The following COA1 variants were observed in gnomAD, a reference collection of about 807,000 sequenced individuals.
COA1 encodes cytochrome c oxidase assembly factor 1, also known as cytochrome c oxidase assembly factor 1 homolog.
In COA1, 13 loss-of-function variants were observed where a neutral mutation model predicts 16.0. The observed-to-expected ratio is 0.81, with a 90% CI of 0.53 to 1.29. COA1 has a LOEUF of 1.29. COA1 is among the 50% of genes most tolerant of loss of function. The probability of loss-of-function intolerance (pLI) is 0.00; values close to 1 mark genes in which losing one functional copy is unlikely to be tolerated. For missense variants in COA1, 179 were observed against 177.0 expected (o/e 1.01, Z -0.06); for synonymous variants, 65 against 65.7 (o/e 0.99, Z 0.05).
intron 6 of COA1, among the ~76,000 whole-genome samples, chr7:43,621,734 T>C (rs2083911374): frequency 6.6e-6 from 1 of 152,302 alleles, no homozygotes; most frequent in African/African-American, 2.4e-5. Context: ...TTAAATTTTC[T>C]ATCAAGAGCC....
At chr7:43,725,106 C>T (rs900794390) in intron 1 of COA1, among the ~76,000 whole-genome samples, 9 of 151,982 alleles carry the variant, frequency 5.9e-5, no homozygotes, top group Non-Finnish European at 8.8e-5. Flanking sequence ...GGTGTGGTGG[C>T]GCATGCCTGT....
chr7:43,709,291 G>A (rs896540084), intron 1 of COA1, among the ~76,000 whole-genome samples: 8 of 152,010 alleles, frequency 5.3e-5, no homozygotes, highest in African/African-American at 1.7e-4. Context: ...CTCCCAAAGT[G>A]CTGGGATTAC....
In COA1 at chr7:43,692,376, G is replaced by A. The variant is rs568470197; in HGVS notation, c.-39+37053C>T. ...TCTACAAAAAATACAAATCTTAGCC[G>A]GGCACGATGGCAGCGCCTGTGGTCT... On this transcript the variant is annotated intron_variant, in intron 1 of 5. Transcript: ENST00000223336. 2.0e-5 allele frequency among the ~76,000 whole-genome samples: 3 copies of A among 152,116 alleles called. No individual in the cohort carries two copies. In the South Asian group the frequency reaches 6.2e-4, roughly 32 times the overall value.
At chr7:43,713,793 C>G (rs1287949582) in intron 1 of COA1, among the ~76,000 whole-genome samples, 1 of 152,144 alleles carries the variant, frequency 6.6e-6, no homozygotes, top group Non-Finnish European at 1.5e-5. Context: ...AATTCCAGCA[C>G]TTTGGGAGGC....
At chr7:43,721,029 G>C (rs548632023) in intron 1 of COA1, among the ~76,000 whole-genome samples, 1 of 152,298 alleles carries the variant, frequency 6.6e-6, no homozygotes, top group Non-Finnish European at 1.5e-5. Context: ...ACATGTGATA[G>C]AGAAGGCTGA....
chr7:43,680,544 T>C (rs918355068), intron 1 of COA1, among the ~76,000 whole-genome samples: 1 of 152,236 alleles, frequency 6.6e-6, no homozygotes, highest in African/African-American at 2.4e-5. Context: ...CTATGTGTTT[T>C]TAAATCTATG....
intron 1 of COA1, among the ~76,000 whole-genome samples, chr7:43,658,060 TTTTA>T (rs2153144188): frequency 6.7e-6 from 1 of 148,538 alleles, no homozygotes; most frequent in East Asian, 1.9e-4. Context: ...ATTAAGTCTA[TTTTA>T]TTTATTTTTT....
intron 1 of COA1, among the ~76,000 whole-genome samples, chr7:43,668,459 AAAC>A (rs1375342918): frequency 3.3e-5 from 5 of 152,274 alleles, no homozygotes; most frequent in African/African-American, 4.8e-5. Context: ...TTTATTCTAC[AAAC>A]AACACACACG....
In COA1 at chr7:43,702,240, T is replaced by C. The variant is rs534408003; in HGVS notation, c.-39+27189A>G. Among the ~76,000 whole-genome samples the C allele has an allele frequency of 5.3e-5, 8 of 152,292 alleles. No individual in the cohort carries two copies. In the East Asian group the frequency reaches 1.5e-3, roughly 29 times the overall value. On this transcript the variant is annotated intron_variant, in intron 1 of 5. Coordinates refer to ENST00000223336, the MANE Select transcript of COA1 (RefSeq NM_018224.4). ...AGTTTTTATAGTTTTAGATTTTACATTTAAGTCTTTAATCCATCTTAATTT... is the reference window on the plus strand; with the variant it reads ...AGTTTTTATAGTTTTAGATTTTACACTTAAGTCTTTAATCCATCTTAATTT...
chr7:43,693,117 TATTCAGC>T (rs1370580641), intron 1 of COA1, among the ~76,000 whole-genome samples: 7 of 152,262 alleles, frequency 4.6e-5, no homozygotes, highest in Middle Eastern at 3.4e-3. Flanking sequence ...ACTGCAGCCT[TATTCAGC>T]CACAGCTGTC....
In COA1 at chr7:43,651,791, G is replaced by A. The variant is rs144167283; in HGVS notation, c.-38-3139C>T. Reference sequence around the variant, plus strand: ...ACAGGAAGATCACTTAAGCCCAGGAGTTCAAGACCAGCCTGGGCAACTTGG... The same window carrying A: ...ACAGGAAGATCACTTAAGCCCAGGAATTCAAGACCAGCCTGGGCAACTTGG... On this transcript the variant is annotated intron_variant, in intron 1 of 5. Transcript: ENST00000223336. Among the ~76,000 whole-genome samples, 5 of 151,904 alleles carry A rather than the reference G, an allele frequency of 3.3e-5. No individual in the cohort carries two copies. In the East Asian group the frequency reaches 9.7e-4, roughly 29 times the overall value.
intron 1 of COA1, among the ~76,000 whole-genome samples, chr7:43,718,396 A>T (rs2095438288): frequency 6.6e-6 from 1 of 152,202 alleles, no homozygotes; most frequent in South Asian, 2.1e-4. Context: ...TTTCCACTTG[A>T]CATCAGTGGA....
At chr7:43,688,113 T>G (rs201509177) in intron 1 of COA1, among the ~76,000 whole-genome samples, 5 of 152,312 alleles carry the variant, frequency 3.3e-5, no homozygotes, top group Admixed American at 2.6e-4. Flanking sequence ...TCCCCAGCCA[T>G]GTGGAACTGT....
intron 4 of COA1, among the ~76,000 whole-genome samples, chr7:43,642,815 C>A (rs944585138): frequency 1.3e-5 from 2 of 152,160 alleles, no homozygotes; most frequent in African/African-American, 4.8e-5. Flanking sequence ...GAAAAAATCC[C>A]AATGTATGAC....
intron 1 of COA1, among the ~76,000 whole-genome samples, chr7:43,664,554 C>T (rs1273691785): frequency 6.6e-6 from 1 of 152,098 alleles, no homozygotes; most frequent in Non-Finnish European, 1.5e-5. Context: ...AATCCCTGTT[C>T]CACCCTTAGA....
intron 1 of COA1, among the ~76,000 whole-genome samples, chr7:43,706,479 G>A (rs1412240376): frequency 1.3e-5 from 2 of 151,424 alleles, no homozygotes; most frequent in African/African-American, 2.4e-5. Flanking sequence ...GCCAGGAGGC[G>A]GAGGCTGCAG....
At chr7:43,709,122 C>T (rs936544787) in intron 1 of COA1, among the ~76,000 whole-genome samples, 15 of 151,500 alleles carry the variant, frequency 9.9e-5, no homozygotes, top group African/African-American at 3.6e-4. Flanking sequence ...CTCCCAGGTT[C>T]ACACCATTCT....
chr7:43,719,294 T>C (rs1158440759), intron 1 of COA1, among the ~76,000 whole-genome samples: 1 of 152,024 alleles, frequency 6.6e-6, no homozygotes, highest in Non-Finnish European at 1.5e-5. Context: ...TAAATAAAAC[T>C]ATCTCCAGCA....
chr7:43,634,168 A>C (rs1393695232), intron 6 of COA1, among the ~76,000 whole-genome samples: 1 of 151,728 alleles, frequency 6.6e-6, no homozygotes, highest in African/African-American at 2.4e-5. Flanking sequence ...ATAATTCTAA[A>C]ATCTGTGTTA....
Sources: gnomAD v4.1 joint callset for allele counts (sites outside exome capture counted in the v4.1 genomes callset) on GRCh38, gnomAD v4.1.1 for gene constraint, MANE v1.5 for transcripts, NCBI Gene and HGNC (gene_info 2026-07-23, HGNC 2026-07-21) for gene names.